TRIM27: variants seen among roughly 807,000 people sequenced by gnomAD.
TRIM27 encodes zinc finger protein RFP.
In TRIM27, 12 loss-of-function variants were observed where a neutral mutation model predicts 57.6. The observed-to-expected ratio is 0.21, with a 90% CI of 0.13 to 0.34. The LOEUF is 0.34. TRIM27 is among the 10% of genes least tolerant of loss of function. The pLI, the probability that TRIM27 is intolerant of heterozygous loss-of-function variation, is 1.00. For missense variants in TRIM27, 403 were observed against 656.8 expected (o/e 0.61, Z 4.22); for synonymous variants, 266 against 259.0 (o/e 1.03, Z -0.26).
chr6:28,920,095 A>T lies in TRIM27; in HGVS notation c.664T>A (p.Phe222Ile), dbSNP rs1196927332. 4 of 1,614,080 alleles carry T rather than the reference A, an allele frequency of 2.5e-6. No homozygotes were observed. Among genetic ancestry groups the T allele is most frequent in the Non-Finnish European group, 3.4e-6 (4 of 1,180,048 alleles). The change falls in exon 3 of 8, where the codon TTC becomes ATC. Residue 222 changes from phenylalanine to isoleucine, a missense_variant. Physicochemically the swap from Phe to Ile is conservative, Grantham distance 21. Transcript: ENST00000377199. ...YNSINGAITQ[F>I]SCNISHLSSL... is the part of the protein sequence containing the mutation. ...CTGAGGTGGGAGATGTTGCAAGAGA[A>T]CTGGGTGATGGCACCATTGATGCTA...
At chr6:28,909,168 C>T (rs1354285759) in intron 4 of TRIM27, 80 bp from the exon 5 acceptor site, 24 of 1,009,234 alleles carry the variant, frequency 2.4e-5, no homozygotes, top group Non-Finnish European at 3.1e-5. Context: ...AGTGCAATGG[C>T]GCCATCTCGG....
In TRIM27 at chr6:28,904,958, G is replaced by A. The variant is rs531491219; in HGVS notation, c.947-293C>T. On this transcript the variant is annotated intron_variant, in intron 7 of 7. Coordinates refer to ENST00000377199, the MANE Select transcript of TRIM27 (RefSeq NM_006510.5). This position sits in a 1 kb window ranked among gnomAD's most constrained non-coding sequence, Gnocchi z 6.1. ...GATAGGGTCTTGCTCTGTTGCCTAG[G>A]CTGGAGCGCAGTGGTGTGGTCATAG... is the stretch of plus-strand genomic sequence containing the variant. 90 of 426,490 alleles carry A rather than the reference G, an allele frequency of 2.1e-4. No individual in the cohort carries two copies. Among genetic ancestry groups the A allele is most frequent in the African/African-American group, 1.7e-3 (86 of 51,250 alleles). The allele number at this position is 426,490 out of a possible 1,614,324, so 26.4% of individuals were successfully genotyped here. A position where few individuals can be genotyped will look rare whatever the true frequency, so the allele number is the denominator to read the frequency against.
intron 1 of TRIM27, among the ~76,000 whole-genome samples, chr6:28,922,611 CTT>C (rs1774130406): frequency 6.6e-6 from 1 of 152,170 alleles, no homozygotes; most frequent in African/African-American, 2.4e-5. Flanking sequence ...ATATGTAATA[CTT>C]TGTTTCCACG....
intron 4 of TRIM27, among the ~76,000 whole-genome samples, chr6:28,910,129 A>G (rs1581493574): frequency 3.4e-5 from 2 of 58,506 alleles, no homozygotes; most frequent in East Asian, 9.1e-4. Flanking sequence ...AAATGAAAAA[A>G]AAAAAAAAAA....
chr6:28,909,386 C>A (rs1175046100), intron 4 of TRIM27, among the ~76,000 whole-genome samples: 1 of 152,194 alleles, frequency 6.6e-6, no homozygotes, highest in Admixed American at 6.5e-5. Context: ...GGATTACAGG[C>A]GTGAGCCACC....
At chr6:28,914,006 C>T (rs1773412342) in intron 3 of TRIM27, among the ~76,000 whole-genome samples, 1 of 145,394 alleles carries the variant, frequency 6.9e-6, no homozygotes, top group Non-Finnish European at 1.5e-5. Context: ...TCTTCTTTCA[C>T]AGTGTAGCCT....
intron 1 of TRIM27, 149 bp downstream of exon 1, chr6:28,923,064 T>C (rs998717582): frequency 3.2e-6 from 3 of 948,188 alleles, no homozygotes; most frequent in Middle Eastern, 2.9e-4. Context: ...ATCTGAGTGC[T>C]GAGGCTCTGG....
intron 3 of TRIM27, among the ~76,000 whole-genome samples, chr6:28,917,356 T>C (rs1773686500): frequency 6.6e-6 from 1 of 151,958 alleles, no homozygotes; most frequent in Non-Finnish European, 1.5e-5. Flanking sequence ...GGCAGAAGGA[T>C]CACCTGAGGT....
chr6:28,919,889 G>A, intron 3 of TRIM27, 123 bp downstream of exon 3: 1 of 864,538 alleles, frequency 1.2e-6, no homozygotes. Flanking sequence ...TATAGAGTTT[G>A]GCAAGCTCTT....
chr6:28,921,269 T>C (rs1045715589), intron 2 of TRIM27, among the ~76,000 whole-genome samples: 3 of 151,602 alleles, frequency 2.0e-5, no homozygotes, highest in Non-Finnish European at 2.9e-5. Flanking sequence ...TAGCCTCAGC[T>C]ACCTGGGAGG....
chr6:28,911,668 T>G, intron 4 of TRIM27, 28 bp downstream of exon 4: 1 of 1,607,422 alleles, frequency 6.2e-7, no homozygotes, highest in Non-Finnish European at 8.5e-7. Context: ...CATATTTGAT[T>G]TAACACTAGG....
intron 3 of TRIM27, among the ~76,000 whole-genome samples, chr6:28,913,014 G>A (rs1244051591): frequency 1.3e-5 from 2 of 152,098 alleles, no homozygotes; most frequent in Non-Finnish European, 2.9e-5. Flanking sequence ...CCAGCACTTT[G>A]GGAGGTCCAG....
intron 4 of TRIM27, among the ~76,000 whole-genome samples, chr6:28,911,088 C>T (rs1252686889): frequency 6.6e-6 from 1 of 152,166 alleles, no homozygotes; most frequent in Non-Finnish European, 1.5e-5. Context: ...ACATGAGCTT[C>T]CCAAGGCCCA....
At chr6:28,916,395 A>G (rs1041697521) in intron 3 of TRIM27, among the ~76,000 whole-genome samples, 2 of 151,924 alleles carry the variant, frequency 1.3e-5, no homozygotes, top group Non-Finnish European at 2.9e-5. Context: ...TCTACTAAAA[A>G]TACAAAATTA....
intron 4 of TRIM27, among the ~76,000 whole-genome samples, chr6:28,909,847 C>T (rs974225883): frequency 2.0e-5 from 3 of 152,188 alleles, no homozygotes; most frequent in Non-Finnish European, 4.4e-5. Context: ...CTATCCAATA[C>T]CCCTTCTGCC....
At chr6:28,905,505 G>A (rs1486948439) in intron 7 of TRIM27, 2 of 152,254 alleles carry the variant, frequency 1.3e-5, no homozygotes, top group Non-Finnish European at 2.9e-5. Flanking sequence ...AAGGGACTGG[G>A]AACCTGTATC....
chr6:28,907,521 G>A (rs539981039), intron 6 of TRIM27: 4 of 680,748 alleles, frequency 5.9e-6, no homozygotes, highest in East Asian at 2.9e-5. Context: ...GGATAAAACT[G>A]AGCCAAGATC....
rs2150493426 is a variant in TRIM27, at chr6:28,921,808, TG to T, written c.516+83del. 2.7e-6 allele frequency: 3 copies of T among 1,127,786 alleles called. No homozygotes were observed. In the East Asian group the frequency reaches 7.1e-5, roughly 27 times the overall value. 69.9% of individuals were successfully genotyped at this position (1,127,786 alleles called of 1,614,324 possible). The stretch of plus-strand genomic sequence containing the variant: ...TACCTACAAGTTCTGGGTGACATGC[TG>T]GACAAGTTTAAGGGAAGTAACATCA... On this transcript the variant is annotated intron_variant, in intron 2 of 7. Coordinates refer to ENST00000377199, the MANE Select transcript of TRIM27 (RefSeq NM_006510.5).
rs761203448 is a variant in TRIM27 at position 28,909,075 on chromosome 6, T to G, written c.784A>C (p.Arg262=). The part of the protein sequence containing the change: ...GDTLSRAERI[R]IPEPWITPPD... ...GGTGTGATCCAAGGTTCAGGAATCC[T>G]GATTCTTTCAGCCCTAAATTTAAAA... Residue 262 remains arginine, a synonymous_variant, in exon 5 of 8, where the codon AGG becomes CGG. Transcript: ENST00000377199. 5 of 1,606,902 alleles carry G rather than the reference T, an allele frequency of 3.1e-6. No individual in the cohort carries two copies. The highest frequency in any genetic ancestry group is 2.3e-5 in the South Asian group (2 of 88,528).
Sources: gnomAD v4.1 joint callset for allele counts (sites outside exome capture counted in the v4.1 genomes callset) on GRCh38, gnomAD v4.1.1 for gene constraint, Gnocchi (gnomAD v3.1) non-coding constraint, MANE v1.5 for transcripts, NCBI Gene and HGNC (gene_info 2026-07-23, HGNC 2026-07-21) for gene names.